OSBPL9: variants seen among roughly 807,000 people sequenced by gnomAD.
The protein encoded by OSBPL9 is oxysterol-binding protein-related protein 9.
Under a neutral mutation model 106.6 loss-of-function variants are expected in OSBPL9, and 40 were observed. That is an observed-to-expected ratio of 0.38 (90% CI 0.29 to 0.49). OSBPL9 has a LOEUF of 0.49. Ranked by LOEUF, OSBPL9 falls within the 20% of genes least tolerant of loss-of-function variation. The pLI is 0.97. For missense variants in OSBPL9, 609 were observed against 887.2 expected (o/e 0.69, Z 3.98); for synonymous variants, 269 against 295.4 (o/e 0.91, Z 0.92).
chr1:51,783,949 G>A lies in OSBPL9; in HGVS notation c.1548G>A (p.Lys516=). Reference sequence around the variant, plus strand: ...TTTATGCTGAGTGTTTTAACAAGAAGATACAATTCAATGCTCATATCTGGA... The same window carrying A: ...TTTATGCTGAGTGTTTTAACAAGAAAATACAATTCAATGCTCATATCTGGA... ...SAFYAECFNK[K]IQFNAHIWTK... The change falls in exon 18 of 24, where the codon AAG becomes AAA. Residue 516 remains lysine, a synonymous_variant. Transcript: ENST00000428468. The A allele has an allele frequency of 3.1e-6, 5 of 1,613,994 alleles. No homozygotes were observed. The highest frequency in any genetic ancestry group is 4.2e-6 in the Non-Finnish European group (5 of 1,179,858).
At chr1:51,616,996 A>ACCGCCCAGGAC (rs751032486), upstream of OSBPL9, 334 of 1,496,460 alleles carry the variant, frequency 2.2e-4, 2 homozygotes, top group East Asian at 4.3e-3. Flanking sequence ...ATCTGCCGGC[A>ACCGCCCAGGAC]CCGCCCAGGA....
upstream of OSBPL9, among the ~76,000 whole-genome samples, chr1:51,576,326 T>A (rs1645183623): frequency 6.6e-6 from 1 of 152,148 alleles, no homozygotes; most frequent in Non-Finnish European, 1.5e-5. Flanking sequence ...TGCTGTGGCT[T>A]GAATGAAGTG....
intron 3 of OSBPL9, among the ~76,000 whole-genome samples, chr1:51,669,999 A>C (rs1294769736): frequency 6.6e-6 from 1 of 152,196 alleles, no homozygotes; most frequent in Non-Finnish European, 1.5e-5. Context: ...CATTCATTTC[A>C]TCTGTATTTC....
intron 4 of OSBPL9, among the ~76,000 whole-genome samples, chr1:51,714,719 C>G (rs1660716993): frequency 6.6e-6 from 1 of 152,134 alleles, no homozygotes; most frequent in East Asian, 1.9e-4. Context: ...GAACCGAGTC[C>G]ATAGGAGGCT....
intron 2 of OSBPL9, among the ~76,000 whole-genome samples, chr1:51,660,930 G>T (rs1647104438): frequency 6.6e-6 from 1 of 152,148 alleles, no homozygotes; most frequent in African/African-American, 2.4e-5. Context: ...CTTTGGATCA[G>T]GGTTTGCAAG....
At chr1:51,609,070 G>A (rs961331253) in intron 2 of OSBPL9, among the ~76,000 whole-genome samples, 1 of 151,542 alleles carries the variant, frequency 6.6e-6, no homozygotes, top group Non-Finnish European at 1.5e-5. Context: ...ATCTGTTAAT[G>A]ACCTAATTCA....
the OSBPL9 span, among the ~76,000 whole-genome samples, chr1:51,558,140 C>T: frequency 6.6e-6 from 1 of 152,062 alleles, no homozygotes. Flanking sequence ...ATTAGCCAGG[C>T]GTAGTGGCGG....
rs561722466 is a variant in OSBPL9, at chr1:51,746,183, C to T, written c.415-527C>T. The stretch of plus-strand genomic sequence containing the variant: ...GGTCTCGAACTCCTGACCTTGTGAT[C>T]CGCCTGCCTCGGCCTCCCAAAATGC... On this transcript the variant is annotated intron_variant, in intron 5 of 23. Coordinates refer to ENST00000428468, the MANE Select transcript of OSBPL9 (RefSeq NM_024586.6). Among the ~76,000 whole-genome samples the T allele has an allele frequency of 3.3e-5, 5 of 152,296 alleles. No homozygotes were observed. In the South Asian group the frequency reaches 1.0e-3, roughly 32 times the overall value.
At chr1:51,679,613 T>TTTTAAATTGC (rs1652066583) in intron 3 of OSBPL9, among the ~76,000 whole-genome samples, 1 of 152,180 alleles carries the variant, frequency 6.6e-6, no homozygotes, top group South Asian at 2.1e-4. Context: ...AATTGATAAG[T>TTTTAAATTGC]TTTAAATTGC....
intron 15 of OSBPL9, among the ~76,000 whole-genome samples, chr1:51,778,148 C>T (rs1287791346): frequency 2.0e-5 from 3 of 151,532 alleles, no homozygotes; most frequent in Non-Finnish European, 4.4e-5. Flanking sequence ...AGAGCAAGAC[C>T]CTGTCTTAAA....
intron 1 of OSBPL9, among the ~76,000 whole-genome samples, chr1:51,648,809 T>G (rs1646327074): frequency 6.6e-6 from 1 of 152,238 alleles, no homozygotes; most frequent in African/African-American, 2.4e-5. Flanking sequence ...ATGCAAAGGC[T>G]TGTAAGGTTT....
At position 51,678,994 on chromosome 1, in the gene OSBPL9, T is replaced by G. The variant is rs183955382; in HGVS notation, c.241+9482T>G. ...ATTTTTGATTTTCATGTGATAATTA[T>G]TCTCCAAAATGAAACCAAATAATAA... On this transcript the variant is annotated intron_variant, in intron 3 of 23. Transcript: ENST00000428468. Among the ~76,000 whole-genome samples the G allele has an allele frequency of 1.4e-3, 215 of 152,352 alleles. 2 individuals carry two copies. Among genetic ancestry groups the G allele is most frequent in the Middle Eastern group, 6.8e-3 (2 of 294 alleles).
chr1:51,727,174 G>T (rs554870208), intron 4 of OSBPL9, among the ~76,000 whole-genome samples: 25 of 127,424 alleles, frequency 2.0e-4, no homozygotes, highest in Middle Eastern at 5.1e-3. Context: ...AGAACCGTTT[G>T]ATCAGCTAAT....
chr1:51,592,278 C>G (rs1274207330), intron 1 of OSBPL9, among the ~76,000 whole-genome samples: 2 of 151,926 alleles, frequency 1.3e-5, no homozygotes, highest in East Asian at 1.9e-4. Context: ...CCACACCCGG[C>G]TAATTTTTTG....
chr1:51,785,653 G>A, intron 20 of OSBPL9, 155 bp from the exon 21 acceptor site: 1 of 606,308 alleles, frequency 1.6e-6, no homozygotes, highest in South Asian at 2.0e-5. Flanking sequence ...CATTCTTATA[G>A]TTAGCCCTGG....
At chr1:51,550,546 T>C in the OSBPL9 span, among the ~76,000 whole-genome samples, 1 of 152,270 alleles carries the variant, frequency 6.6e-6, no homozygotes, top group East Asian at 1.9e-4. Context: ...GGAGTCTCGC[T>C]CTGTTACCCA....
At chr1:51,712,289 G>A (rs1314759679) in intron 3 of OSBPL9, among the ~76,000 whole-genome samples, 1 of 152,326 alleles carries the variant, frequency 6.6e-6, no homozygotes. Flanking sequence ...GCAATCGCAG[G>A]CACTCGGCAG....
chr1:51,574,961 T>G (rs1170847996), upstream of OSBPL9, among the ~76,000 whole-genome samples: 1 of 152,328 alleles, frequency 6.6e-6, no homozygotes, highest in Non-Finnish European at 1.5e-5. Context: ...ATGGATGGCA[T>G]GTAGACAAAG....
the OSBPL9 span, among the ~76,000 whole-genome samples, chr1:51,531,344 G>A: frequency 1.3e-5 from 2 of 152,264 alleles, no homozygotes; most frequent in East Asian, 1.9e-4. Flanking sequence ...GAAATAAACT[G>A]TAGATCAACA....
Sources: allele counts gnomAD v4.1 joint callset (sites outside exome capture counted in the v4.1 genomes callset), GRCh38; gene constraint gnomAD v4.1.1; transcripts MANE v1.5; gene names NCBI Gene and HGNC (gene_info 2026-07-23, HGNC 2026-07-21).